Variants in SMAD2 observed in about 807,000 individuals in gnomAD.
SMAD2 encodes SMAD family member 2, also known as MAD homolog 2.
Under a neutral mutation model 64.4 loss-of-function variants are expected in SMAD2, and 8 were observed. The observed-to-expected ratio is 0.12, with a 90% CI of 0.07 to 0.22. SMAD2 has a LOEUF of 0.22. Among genes scored for constraint, SMAD2 ranks in the 10% least tolerant of loss-of-function variants. The probability of loss-of-function intolerance (pLI) is 1.00; values close to 1 mark genes in which losing one functional copy is unlikely to be tolerated. For synonymous variants in SMAD2, 203 were observed against 195.8 expected (o/e 1.04, Z -0.31); for missense variants, 289 against 561.2 (o/e 0.51, Z 4.90).
intron 2 of SMAD2, among the ~76,000 whole-genome samples, chr18:47,885,144 C>T (rs879297979): frequency 0.15 from 11,667 of 75,464 alleles, 608 homozygotes; most frequent in East Asian, 0.27. Flanking sequence ...CACACACACA[C>T]ACACACACAC....
At chr18:47,913,288 T>G (rs1249134123) in intron 1 of SMAD2, among the ~76,000 whole-genome samples, 2 of 152,204 alleles carry the variant, frequency 1.3e-5, no homozygotes, top group East Asian at 3.9e-4. Flanking sequence ...CTAAAAGTTT[T>G]CTATAAAACC....
rs1174638272 is a variant in SMAD2, at chr18:47,836,790, T to C, written c.*5037A>G. On this transcript the variant is annotated 3_prime_UTR_variant, in exon 11 of 11. Coordinates refer to ENST00000262160, the MANE Select transcript of SMAD2 (RefSeq NM_005901.6). ...CTATCATGAGGCTATCTAGTATAGC[T>C]CATATTTCCTGGTTGTAAGGCTCAA... The C allele has an allele frequency of 4.6e-6, 1 of 218,628 alleles. No homozygotes were observed. Among genetic ancestry groups the C allele is most frequent in the Non-Finnish European group, 9.2e-6 (1 of 109,250 alleles). The allele number at this position is 218,628 out of a possible 1,614,324, so 13.5% of individuals were successfully genotyped here.
Position 47,834,304 on chromosome 18 carries a change from T to A in SMAD2, c.*7523A>T, listed in dbSNP as rs1288522980. On this transcript the variant is annotated 3_prime_UTR_variant, in exon 11 of 11. Transcript: ENST00000262160. ...TAAAAATCAGAGCAAATGAATTTCT[T>A]AAGTTCAAGATATGTACTCTCAATG... is the stretch of plus-strand genomic sequence containing the variant. 9.6e-6 allele frequency: 2 copies of A among 209,388 alleles called. No individual in the cohort carries two copies. The highest frequency in any genetic ancestry group is 1.2e-4 in the Admixed American group (2 of 16,942). 13.0% of individuals were successfully genotyped at this position (209,388 alleles called of 1,614,324 possible).
At chr18:47,903,641 C>G (rs1568101338) in intron 1 of SMAD2, among the ~76,000 whole-genome samples, 1 of 151,940 alleles carries the variant, frequency 6.6e-6, no homozygotes, top group South Asian at 2.1e-4. Context: ...AATCAGATAA[C>G]TATAATAAAA....
intron 2 of SMAD2, chr18:47,887,046 C>G (rs768106182): frequency 6.6e-6 from 1 of 152,202 alleles, no homozygotes; most frequent in East Asian, 1.9e-4. Context: ...ATTTGGAATT[C>G]TCAATTTTCA....
chr18:47,916,290 A>C (rs916366897), intron 1 of SMAD2, among the ~76,000 whole-genome samples: 1 of 152,214 alleles, frequency 6.6e-6, no homozygotes, highest in Non-Finnish European at 1.5e-5. Flanking sequence ...CATTTTGTAT[A>C]AGATTAGAGT....
chr18:47,849,985 C>T (rs141705679), intron 7 of SMAD2, among the ~76,000 whole-genome samples: 2,580 of 150,768 alleles, frequency 0.017, 67 homozygotes, highest in African/African-American at 0.059. Context: ...CTAGCCTGGG[C>T]GACAGAGCAA....
At chr18:47,842,086 C>G (rs79502327) in intron 10 of SMAD2, 136 bp from the exon 11 acceptor site, 2 of 896,606 alleles carry the variant, frequency 2.2e-6, no homozygotes, top group Admixed American at 2.1e-5. Flanking sequence ...ACGATTATTC[C>G]GCAAAATGGT....
chr18:47,898,824 C>T (rs185563071), intron 1 of SMAD2, among the ~76,000 whole-genome samples: 1 of 152,208 alleles, frequency 6.6e-6, no homozygotes, highest in African/African-American at 2.4e-5. Context: ...AAAGATTTTC[C>T]TGAGGAAATA....
At chr18:47,890,693 C>G (rs755926342) in intron 2 of SMAD2, among the ~76,000 whole-genome samples, 3 of 152,158 alleles carry the variant, frequency 2.0e-5, no homozygotes, top group Non-Finnish European at 4.4e-5. Flanking sequence ...GACACAAAAA[C>G]AGGTTATCAA....
rs1240399068 is a variant in SMAD2, at chr18:47,824,756, T to C, written c.*17071A>G. ...ATATTTAAAAAAAACATAAAAAGTA[T>C]GTCGAACATTTTTAATTTCAAACAC... On this transcript the variant is annotated 3_prime_UTR_variant, in exon 11 of 11. Coordinates refer to ENST00000262160, the MANE Select transcript of SMAD2 (RefSeq NM_005901.6). The C allele has an allele frequency of 6.6e-6, 1 of 152,214 alleles. No individual in the cohort carries two copies. The highest frequency in any genetic ancestry group is 2.4e-5 in the African/African-American group (1 of 41,452). The allele number at this position is 152,214 out of a possible 1,614,324, so 9.4% of individuals were successfully genotyped here. A position where few individuals can be genotyped will look rare whatever the true frequency, so the allele number is the denominator to read the frequency against.
At chr18:47,864,414 T>C (rs547663603) in intron 6 of SMAD2, among the ~76,000 whole-genome samples, 5 of 152,234 alleles carry the variant, frequency 3.3e-5, no homozygotes, top group African/African-American at 7.2e-5. Context: ...ATTTGTCAGG[T>C]TGTGATATTA....
At chr18:47,848,010 T>G (rs1914693414) in intron 8 of SMAD2, among the ~76,000 whole-genome samples, 1 of 152,182 alleles carries the variant, frequency 6.6e-6, no homozygotes, top group Non-Finnish European at 1.5e-5. Flanking sequence ...AATGCAGTTC[T>G]TGTTTTAGAT....
chr18:47,888,960 G>A (rs1170500774), intron 2 of SMAD2, among the ~76,000 whole-genome samples: 2 of 151,908 alleles, frequency 1.3e-5, no homozygotes, highest in East Asian at 1.9e-4. Flanking sequence ...ACAGATTTGG[G>A]GTCTATAATA....
intron 10 of SMAD2, 134 bp from the exon 11 acceptor site, chr18:47,842,084 T>A: frequency 1.1e-6 from 1 of 919,802 alleles, no homozygotes; most frequent in Admixed American, 2.0e-5. Context: ...ACACGATTAT[T>A]CCGCAAAATG....
intron 2 of SMAD2, among the ~76,000 whole-genome samples, chr18:47,888,364 T>TGAGAAAAGAAGCTCTGAGGAATAAAACA (rs1401869014): frequency 1.4e-5 from 2 of 148,026 alleles, no homozygotes. Context: ...AGGCTTGGTC[T>TGAGAAAAGAAGCTCTGAGGAATAAAACA]GAGAAAAGAA....
At chr18:47,847,082 A>T (rs185964120) in intron 8 of SMAD2, among the ~76,000 whole-genome samples, 1 of 152,208 alleles carries the variant, frequency 6.6e-6, no homozygotes, top group Non-Finnish European at 1.5e-5. Flanking sequence ...AAAAAATCCA[A>T]TAACGACAGC....
At chr18:47,897,573 C>G (rs1392001005) in intron 1 of SMAD2, among the ~76,000 whole-genome samples, 1 of 152,122 alleles carries the variant, frequency 6.6e-6, no homozygotes, top group African/African-American at 2.4e-5. Flanking sequence ...AACCACATTC[C>G]CACCTTATTG....
chr18:47,850,849 T>TATTA (rs376442711), intron 7 of SMAD2, among the ~76,000 whole-genome samples: 1 of 12,784 alleles, frequency 7.8e-5, no homozygotes, highest in Admixed American at 1.9e-3. Context: ...ATATTATATA[T>TATTA]TATATATATT....
Sources: allele counts gnomAD v4.1 joint callset (sites outside exome capture counted in the v4.1 genomes callset), GRCh38; gene constraint gnomAD v4.1.1; transcripts MANE v1.5; gene names NCBI Gene and HGNC (gene_info 2026-07-23, HGNC 2026-07-21).